ADAMTS2: variants seen among roughly 807,000 people sequenced by gnomAD.
ADAMTS2 encodes the protein A disintegrin and metalloproteinase with thrombospondin motifs 2.
Under a neutral mutation model 123.0 loss-of-function variants are expected in ADAMTS2, and 50 were observed. That is an observed-to-expected ratio of 0.41 (90% CI 0.32 to 0.51). ADAMTS2 has a LOEUF of 0.51. Ranked by LOEUF, ADAMTS2 falls within the 20% of genes least tolerant of loss-of-function variation. ADAMTS2 has a pLI of 0.35. For missense variants in ADAMTS2, 1,494 were observed against 1,705.2 expected (o/e 0.88, Z 2.18); for synonymous variants, 678 against 695.4 (o/e 0.98, Z 0.39).
At chr5:179,250,782 C>T (rs1038798999) in intron 3 of ADAMTS2, among the ~76,000 whole-genome samples, 1 of 152,358 alleles carries the variant, frequency 6.6e-6, no homozygotes, top group East Asian at 1.9e-4. Context: ...CTGCTCCTAA[C>T]TTTCGAAACC....
At chr5:179,141,791 C>T (rs981835091) in intron 10 of ADAMTS2, among the ~76,000 whole-genome samples, 8 of 152,206 alleles carry the variant, frequency 5.3e-5, no homozygotes, top group Admixed American at 5.2e-4. Flanking sequence ...CAGAGTCTCT[C>T]TCTGGTGGGA....
At chr5:179,208,547 C>T (rs568957036) in intron 3 of ADAMTS2, among the ~76,000 whole-genome samples, 2 of 152,294 alleles carry the variant, frequency 1.3e-5, no homozygotes, top group Admixed American at 1.3e-4. Context: ...GGGAGTCTGC[C>T]CCGGATATCG....
At position 179,345,346 on chromosome 5, in the gene ADAMTS2, C is replaced by T; in HGVS notation, c.-18G>A. 1.8e-6 allele frequency: 2 copies of T among 1,131,802 alleles called. No individual in the cohort carries two copies. The highest frequency in any genetic ancestry group is 1.1e-6 in the Non-Finnish European group (1 of 923,996). 70.1% of individuals were successfully genotyped at this position (1,131,802 alleles called of 1,614,324 possible). ...GGATCCATGGCAGCCGGACTGCAGC[C>T]GGGGCCCCGCACTCGCAGCCGGCGC... On this transcript the variant is annotated 5_prime_UTR_variant, in exon 1 of 22. Coordinates refer to ENST00000251582, the MANE Select transcript of ADAMTS2 (RefSeq NM_014244.5). This position sits in a 1 kb window ranked among gnomAD's most constrained non-coding sequence, Gnocchi z 7.5.
intron 3 of ADAMTS2, among the ~76,000 whole-genome samples, chr5:179,261,296 C>T (rs962840235): frequency 3.3e-5 from 5 of 152,084 alleles, no homozygotes; most frequent in African/African-American, 7.3e-5. Flanking sequence ...AAAGCAACGC[C>T]GCTTTGCTGC....
intron 3 of ADAMTS2, among the ~76,000 whole-genome samples, chr5:179,271,817 T>C (rs112428619): frequency 1.9e-4 from 29 of 152,202 alleles, no homozygotes; most frequent in Non-Finnish European, 1.0e-4. Context: ...GTACCCAATT[T>C]TTCTGTCAAG....
intron 2 of ADAMTS2, among the ~76,000 whole-genome samples, chr5:179,321,179 G>A (rs541504975): frequency 1.3e-4 from 19 of 151,980 alleles, no homozygotes; most frequent in Admixed American, 7.2e-4. Flanking sequence ...TCCATCTCCC[G>A]GATCCTCATC....
At chr5:179,119,615 G>A (rs1226867960) in intron 21 of ADAMTS2, among the ~76,000 whole-genome samples, 1 of 152,184 alleles carries the variant, frequency 6.6e-6, no homozygotes, top group Non-Finnish European at 1.5e-5. Context: ...AGCCACCACT[G>A]CCCTGCCCCT....
chr5:179,169,724 C>T (rs1048454852), intron 5 of ADAMTS2, among the ~76,000 whole-genome samples: 1 of 152,150 alleles, frequency 6.6e-6, no homozygotes, highest in Non-Finnish European at 1.5e-5. Context: ...ATCCTCTACC[C>T]TATAGGTGGG....
At chr5:179,287,668 T>TCAGCC (rs1414708868) in intron 2 of ADAMTS2, among the ~76,000 whole-genome samples, 1 of 152,210 alleles carries the variant, frequency 6.6e-6, no homozygotes, top group African/African-American at 2.4e-5. Context: ...CTGTGGCAGC[T>TCAGCC]CAGCCCGGAG....
At chr5:179,273,620 T>C (rs2113514547) in intron 2 of ADAMTS2, among the ~76,000 whole-genome samples, 1 of 152,266 alleles carries the variant, frequency 6.6e-6, no homozygotes, top group South Asian at 2.1e-4. Flanking sequence ...ATCCCAGCTT[T>C]CCTTGGAAAC....
At chr5:179,121,620 G>T in intron 21 of ADAMTS2, 41 bp downstream of exon 21, 1 of 1,522,270 alleles carries the variant, frequency 6.6e-7, no homozygotes, top group Non-Finnish European at 9.0e-7. Flanking sequence ...CGCAGGGCAT[G>T]CACTGGAGGG....
intron 2 of ADAMTS2, among the ~76,000 whole-genome samples, chr5:179,338,860 G>A (rs1757691604): frequency 6.6e-6 from 1 of 152,184 alleles, no homozygotes; most frequent in Non-Finnish European, 1.5e-5. Context: ...CAGGCGTGGA[G>A]GGAAGCCGGG....
At chr5:179,301,153 GAAAAAA>G (rs60799579) in intron 2 of ADAMTS2, among the ~76,000 whole-genome samples, 1 of 122,856 alleles carries the variant, frequency 8.1e-6, no homozygotes. Context: ...TGTCCCCCAG[GAAAAAA>G]AAAAAAAAAA....
chr5:179,249,218 C>T (rs1399372791), intron 3 of ADAMTS2, among the ~76,000 whole-genome samples: 2 of 151,676 alleles, frequency 1.3e-5, no homozygotes, highest in Admixed American at 6.6e-5. Context: ...AAAATAAAAA[C>T]ACAACATACC....
chr5:179,279,938 C>T (rs1480406324), intron 2 of ADAMTS2, among the ~76,000 whole-genome samples: 1 of 152,278 alleles, frequency 6.6e-6, no homozygotes, highest in Non-Finnish European at 1.5e-5. Flanking sequence ...TCTCCACCAG[C>T]TCCTCCTCTG....
At position 179,115,900 on chromosome 5, in the gene ADAMTS2, G is replaced by C. The variant is rs560427987; in HGVS notation, c.3179-1576C>G. 6.6e-6 allele frequency among the ~76,000 whole-genome samples: 1 copy of C among 152,186 alleles called. No homozygotes were observed. The highest frequency in any genetic ancestry group is 1.9e-4 in the East Asian group (1 of 5,164). ...TCCAGCCTGTAATTTTCCCTTAGAA[G>C]CTGGTGACAGACCACCAGCTCCAAA... On this transcript the variant is annotated intron_variant, in intron 21 of 21. Transcript: ENST00000251582. The surrounding 1 kb of genome is among the most constrained non-coding windows in gnomAD (Gnocchi z 4.4).
Position 179,114,341 on chromosome 5 carries a change from G to C in ADAMTS2, c.3179-17C>G. On this transcript the variant is annotated splice_polypyrimidine_tract_variant and intron_variant, in intron 21 of 21. Transcript: ENST00000251582. ...AGTGGCCCTCTGAAAAAGAAAAGTGGGACAAATAACCAAAGGACAAGATAA... is the reference window on the plus strand; with the variant it reads ...AGTGGCCCTCTGAAAAAGAAAAGTGCGACAAATAACCAAAGGACAAGATAA... 2 of 1,609,132 alleles carry C rather than the reference G, an allele frequency of 1.2e-6. No homozygotes were observed. Among genetic ancestry groups the C allele is most frequent in the Non-Finnish European group, 1.7e-6 (2 of 1,177,734 alleles).
intron 2 of ADAMTS2, among the ~76,000 whole-genome samples, chr5:179,337,864 AC>A (rs1757660463): frequency 6.7e-6 from 1 of 148,176 alleles, no homozygotes; most frequent in South Asian, 2.2e-4. Flanking sequence ...CTGACTCTGC[AC>A]GAGGGCCTGA....
At chr5:179,271,261 A>G (rs1766524002) in intron 3 of ADAMTS2, among the ~76,000 whole-genome samples, 1 of 152,178 alleles carries the variant, frequency 6.6e-6, no homozygotes, top group Non-Finnish European at 1.5e-5. Flanking sequence ...GTTCAGGAAG[A>G]CAAGCACCAT....
Sources: allele counts gnomAD v4.1 joint callset (sites outside exome capture counted in the v4.1 genomes callset), GRCh38; gene constraint gnomAD v4.1.1; non-coding constraint Gnocchi (gnomAD v3.1); transcripts MANE v1.5; gene names NCBI Gene and HGNC (gene_info 2026-07-23, HGNC 2026-07-21).